The following SPECC1 variants were observed in gnomAD, a reference collection of about 807,000 sequenced individuals.
The protein encoded by SPECC1 is sperm antigen with calponin homology and coiled-coil domains 1.
SPECC1 carries 62 observed loss-of-function variants against 104.1 expected under a neutral mutation model. That is an observed-to-expected ratio of 0.60 (90% CI 0.49 to 0.74). The LOEUF is 0.74. Ranked by LOEUF, SPECC1 falls within the 30% of genes least tolerant of loss-of-function variation. SPECC1 has a pLI of 0.00. For missense variants in SPECC1, 1,306 were observed against 1,310.5 expected (o/e 1.00, Z 0.05); for synonymous variants, 513 against 501.6 (o/e 1.02, Z -0.30).
chr17:20,305,454 A>G (rs1439717952), intron 13 of SPECC1, among the ~76,000 whole-genome samples: 1 of 152,174 alleles, frequency 6.6e-6, no homozygotes, highest in Non-Finnish European at 1.5e-5. Context: ...GAGGAGGCAG[A>G]TGCATGGTGC....
Position 20,041,748 on chromosome 17 carries a change from C to T in SPECC1, c.-22+32324C>T, listed in dbSNP as rs181411744. ...ATGCCATTCTCCTGCCTCAGGCTCC[C>T]GAGTAGCTGGGACTACAGGTGCCCA... On this transcript the variant is annotated intron_variant, in intron 1 of 14. Transcript: ENST00000395527. 3.9e-3 allele frequency among the ~76,000 whole-genome samples: 583 copies of T among 150,630 alleles called. 1 individual carries two copies. The highest frequency in any genetic ancestry group is 6.5e-3 in the Non-Finnish European group (439 of 67,720).
At chr17:20,131,423 C>T (rs1260626281) in intron 3 of SPECC1, among the ~76,000 whole-genome samples, 1 of 152,018 alleles carries the variant, frequency 6.6e-6, no homozygotes, top group Non-Finnish European at 1.5e-5. Flanking sequence ...AAGTGATCCA[C>T]CCACCTTGAC....
intron 13 of SPECC1, among the ~76,000 whole-genome samples, chr17:20,298,921 A>AAAGAGAGAGAGAGAGAG (rs1555535541): frequency 8.5e-4 from 62 of 72,778 alleles, no homozygotes; most frequent in Non-Finnish European, 1.3e-3. Context: ...GCAGAACCAA[A>AAAGAGAGAGAGAGAGAG]AGAGAGAGAG....
intron 1 of SPECC1, among the ~76,000 whole-genome samples, chr17:20,049,130 C>T (rs139558274): frequency 1.6e-3 from 250 of 152,152 alleles, no homozygotes; most frequent in Non-Finnish European, 3.0e-3. Context: ...ATTTGATAGA[C>T]GCTGCCAGAT....
chr17:20,202,856 T>G (rs2036523625), intron 3 of SPECC1, among the ~76,000 whole-genome samples: 1 of 152,220 alleles, frequency 6.6e-6, no homozygotes, highest in Non-Finnish European at 1.5e-5. Context: ...CTCTTGGCTT[T>G]CCAGAAACTT....
At chr17:20,299,586 A>G (rs2041500644) in intron 13 of SPECC1, among the ~76,000 whole-genome samples, 1 of 150,458 alleles carries the variant, frequency 6.6e-6, no homozygotes. Context: ...AAAAGAAAAG[A>G]AAAAAAACCT....
chr17:20,227,004 CCTCCCAGGGAAGCACTGCT>C (rs145095703), intron 4 of SPECC1, among the ~76,000 whole-genome samples: 22,222 of 151,864 alleles, frequency 0.15, 1,712 homozygotes, highest in African/African-American at 0.19. Flanking sequence ...AGGGCCAGTG[CCTCCCAGGGAAGCACTGCT>C]CTCCCAGGGA....
At chr17:20,181,617 A>AT (rs1482184015) in intron 3 of SPECC1, among the ~76,000 whole-genome samples, 1 of 152,174 alleles carries the variant, frequency 6.6e-6, no homozygotes. Context: ...AGGCAAAAAC[A>AT]TTTTTTGTTT....
At chr17:20,188,256 CT>C (rs67659304) in intron 3 of SPECC1, among the ~76,000 whole-genome samples, 101,802 of 145,896 alleles carry the variant, frequency 0.7, 36,742 homozygotes, top group East Asian at 0.98. Flanking sequence ...AAAAGACATC[CT>C]TTTTTTTTTT....
intron 1 of SPECC1, among the ~76,000 whole-genome samples, chr17:20,046,051 A>T (rs1448976561): frequency 6.6e-6 from 1 of 150,730 alleles, no homozygotes; most frequent in Admixed American, 6.6e-5. Flanking sequence ...ATATTACTTC[A>T]CACTTCCTGT....
chr17:20,194,740 G>A (rs548985531), intron 3 of SPECC1, among the ~76,000 whole-genome samples: 3 of 151,904 alleles, frequency 2.0e-5, no homozygotes, highest in African/African-American at 7.2e-5. Context: ...TCCTGACCAC[G>A]AGACCCACCC....
At chr17:20,065,902 A>G (rs971162810) in intron 1 of SPECC1, among the ~76,000 whole-genome samples, 1 of 152,330 alleles carries the variant, frequency 6.6e-6, no homozygotes, top group Admixed American at 6.5e-5. Context: ...CCCTGAAATT[A>G]TAAGAAGGAC....
At chr17:20,070,262 C>T (rs1475483686) in intron 1 of SPECC1, among the ~76,000 whole-genome samples, 6 of 152,138 alleles carry the variant, frequency 3.9e-5, no homozygotes, top group African/African-American at 1.4e-4. Flanking sequence ...TTTGAACTTG[C>T]CCTTTATCAA....
intron 3 of SPECC1, among the ~76,000 whole-genome samples, chr17:20,129,521 G>T (rs1339096750): frequency 1.3e-5 from 2 of 151,790 alleles, no homozygotes; most frequent in African/African-American, 4.8e-5. Flanking sequence ...TGAATTTTGT[G>T]AGTTCTTTAT....
intron 1 of SPECC1, chr17:20,056,237 A>G (rs1221949284): frequency 6.6e-6 from 1 of 152,208 alleles, no homozygotes; most frequent in African/African-American, 2.4e-5. Context: ...TTAAAAATAA[A>G]TATTAAATAA....
intron 4 of SPECC1, among the ~76,000 whole-genome samples, chr17:20,221,641 A>T (rs2037882029): frequency 6.6e-6 from 1 of 151,694 alleles, no homozygotes; most frequent in South Asian, 2.1e-4. Context: ...TTTCATTAAA[A>T]TTTCATTTAT....
intron 3 of SPECC1, among the ~76,000 whole-genome samples, chr17:20,137,470 T>C (rs1404814963): frequency 6.6e-6 from 1 of 152,184 alleles, no homozygotes; most frequent in African/African-American, 2.4e-5. Context: ...AATATAGATA[T>C]TTTTATAAAA....
intron 10 of SPECC1, among the ~76,000 whole-genome samples, chr17:20,256,793 C>G (rs2039849128): frequency 6.6e-6 from 1 of 152,138 alleles, no homozygotes; most frequent in Non-Finnish European, 1.5e-5. Context: ...GACAGAGGAT[C>G]ATTAGGAGGT....
chr17:20,044,952 A>G (rs1409413155), intron 1 of SPECC1, among the ~76,000 whole-genome samples: 3 of 152,248 alleles, frequency 2.0e-5, no homozygotes, highest in Admixed American at 6.5e-5. Context: ...TTTATGATGA[A>G]TAAGAACTCT....
Sources: gnomAD v4.1 joint callset for allele counts (sites outside exome capture counted in the v4.1 genomes callset) on GRCh38, gnomAD v4.1.1 for gene constraint, MANE v1.5 for transcripts, NCBI Gene and HGNC (gene_info 2026-07-23, HGNC 2026-07-21) for gene names.